ASTN2: variants seen among roughly 807,000 people sequenced by gnomAD.
ASTN2 encodes the protein astrotactin-2.
A neutral mutation model predicts 139.8 loss-of-function variants in ASTN2; 54 were observed. The ratio of observed to expected loss-of-function variants is 0.39; its 90% CI spans 0.31 to 0.48. ASTN2 has a LOEUF of 0.48. Among genes scored for constraint, ASTN2 ranks in the 20% least tolerant of loss-of-function variants. ASTN2 has a pLI of 0.95. For synonymous variants in ASTN2, 756 were observed against 719.5 expected, an observed-to-expected ratio of 1.05 and a Z score of -0.81; for missense variants, 1,565 against 1,725.1, an observed-to-expected ratio of 0.91 and a Z score of 1.64.
chr9:117,243,190 G>A (rs770234416), intron 2 of ASTN2, among the ~76,000 whole-genome samples: 2 of 152,214 alleles, frequency 1.3e-5, no homozygotes, highest in African/African-American at 2.4e-5. Flanking sequence ...CAGAGCTGAG[G>A]AGTGATACTA....
At chr9:117,334,814 G>A (rs1026752925) in intron 1 of ASTN2, among the ~76,000 whole-genome samples, 1 of 152,176 alleles carries the variant, frequency 6.6e-6, no homozygotes, top group Non-Finnish European at 1.5e-5. Flanking sequence ...AGCACTTTGG[G>A]AGGCCGAGGC....
At chr9:116,767,249 C>G (rs907457256) in intron 13 of ASTN2, among the ~76,000 whole-genome samples, 8 of 152,098 alleles carry the variant, frequency 5.3e-5, no homozygotes, top group African/African-American at 1.9e-4. Context: ...TCCCTGCCTG[C>G]CAACCTACTC....
intron 11 of ASTN2, among the ~76,000 whole-genome samples, chr9:116,855,059 C>T (rs896505312): frequency 2.6e-5 from 4 of 152,012 alleles, no homozygotes; most frequent in East Asian, 3.9e-4. Context: ...TAATGACTTC[C>T]ACACAATAAA....
intron 10 of ASTN2, among the ~76,000 whole-genome samples, chr9:116,940,147 A>C (rs994840735): frequency 1.4e-4 from 22 of 152,190 alleles, no homozygotes; most frequent in African/African-American, 5.1e-4. Context: ...AGGTCTCACT[A>C]TGTTGCCCAG....
chr9:117,228,725 G>A (rs1272864783), intron 2 of ASTN2, among the ~76,000 whole-genome samples: 2 of 152,028 alleles, frequency 1.3e-5, no homozygotes, highest in Non-Finnish European at 2.9e-5. Flanking sequence ...TTAAAGACGT[G>A]GAGTTCAGGC....
chr9:116,920,846 T>C (rs1057381591), intron 10 of ASTN2, among the ~76,000 whole-genome samples: 1 of 152,226 alleles, frequency 6.6e-6, no homozygotes, highest in African/African-American at 2.4e-5. Flanking sequence ...ACGTAGCTAG[T>C]AGGAGCAAAG....
intron 16 of ASTN2, among the ~76,000 whole-genome samples, chr9:116,677,201 T>G (rs1859558459): frequency 6.6e-6 from 1 of 152,204 alleles, no homozygotes; most frequent in Admixed American, 6.5e-5. Context: ...ATTATTTTTC[T>G]CCATTTTTTT....
intron 4 of ASTN2, among the ~76,000 whole-genome samples, chr9:117,123,910 C>A (rs566442959): frequency 6.6e-6 from 1 of 152,158 alleles, no homozygotes; most frequent in Non-Finnish European, 1.5e-5. Flanking sequence ...CTCATCTCTG[C>A]GACATGCCTG....
At chr9:116,449,744 T>C (rs796188946) in intron 20 of ASTN2, among the ~76,000 whole-genome samples, 3 of 152,254 alleles carry the variant, frequency 2.0e-5, no homozygotes, top group African/African-American at 4.8e-5. Context: ...ACATTCTCAC[T>C]TGGAACTGTG....
At chr9:117,334,319 G>A (rs374449529) in intron 1 of ASTN2, among the ~76,000 whole-genome samples, 1 of 152,086 alleles carries the variant, frequency 6.6e-6, no homozygotes, top group South Asian at 2.1e-4. Flanking sequence ...GTAGTGCCGG[G>A]TGGTGGAATC....
At chr9:116,779,689 C>G (rs1232015533) in intron 13 of ASTN2, among the ~76,000 whole-genome samples, 1 of 152,144 alleles carries the variant, frequency 6.6e-6, no homozygotes, top group Non-Finnish European at 1.5e-5. Flanking sequence ...AATTTCCCTT[C>G]TTTTTCTGTT....
At chr9:117,308,820 A>G (rs1827863044) in intron 1 of ASTN2, among the ~76,000 whole-genome samples, 1 of 152,176 alleles carries the variant, frequency 6.6e-6, no homozygotes. Context: ...GCTGGACTTC[A>G]TAGGAGATGC....
chr9:117,056,480 C>A (rs1480935041), intron 5 of ASTN2, among the ~76,000 whole-genome samples: 3 of 152,146 alleles, frequency 2.0e-5, no homozygotes, highest in Non-Finnish European at 2.9e-5. Flanking sequence ...CTTGAAGGAG[C>A]CACAGAGAGA....
intron 4 of ASTN2, among the ~76,000 whole-genome samples, chr9:117,126,521 T>C (rs1829693108): frequency 6.6e-6 from 1 of 152,222 alleles, no homozygotes; most frequent in Non-Finnish European, 1.5e-5. Context: ...ATAATTGTGG[T>C]TTCCTATCAG....
At chr9:116,765,645 A>G (rs554563167) in intron 13 of ASTN2, among the ~76,000 whole-genome samples, 2 of 152,228 alleles carry the variant, frequency 1.3e-5, no homozygotes, top group Admixed American at 6.5e-5. Context: ...TAAATGAATT[A>G]TAAGTCTAGG....
intron 1 of ASTN2, among the ~76,000 whole-genome samples, chr9:117,384,415 A>T (rs1168337912): frequency 6.6e-6 from 1 of 152,182 alleles, no homozygotes; most frequent in East Asian, 1.9e-4. Flanking sequence ...AAGCCAGGAG[A>T]TCTTCACTCC....
intron 1 of ASTN2, among the ~76,000 whole-genome samples, chr9:117,296,062 G>A (rs3962788): frequency 6.6e-6 from 1 of 151,812 alleles, no homozygotes; most frequent in Non-Finnish European, 1.5e-5. Context: ...GGCGGATCAC[G>A]AGGTCAAGAG....
chr9:116,756,123 T>A (rs750924664), intron 13 of ASTN2, among the ~76,000 whole-genome samples: 1 of 152,226 alleles, frequency 6.6e-6, no homozygotes. Flanking sequence ...GTTTGGGGCT[T>A]AGTTTGATTT....
chr9:117,027,312 T>C (rs1838116292), intron 6 of ASTN2, among the ~76,000 whole-genome samples: 1 of 152,164 alleles, frequency 6.6e-6, no homozygotes, highest in South Asian at 2.1e-4. Context: ...ATTAACAAGC[T>C]GCCTTGCCCT....
Sources: gnomAD v4.1 joint callset for allele counts (sites outside exome capture counted in the v4.1 genomes callset) on GRCh38, gnomAD v4.1.1 for gene constraint, MANE v1.5 for transcripts, NCBI Gene and HGNC (gene_info 2026-07-23, HGNC 2026-07-21) for gene names.